Variants in SLC25A12 observed in about 807,000 individuals in gnomAD.
SLC25A12 encodes solute carrier family 25 member 12.
In SLC25A12, 32 loss-of-function variants were observed where a neutral mutation model predicts 83.3. The ratio of observed to expected loss-of-function variants is 0.38; its 90% CI spans 0.29 to 0.52. SLC25A12 has a LOEUF of 0.52. Ranked by LOEUF, SLC25A12 falls within the 20% of genes least tolerant of loss-of-function variation. The pLI, the probability that SLC25A12 is intolerant of heterozygous loss-of-function variation, is 0.84. For missense variants in SLC25A12, 611 were observed against 835.6 expected, an observed-to-expected ratio of 0.73 and a Z score of 3.31; for synonymous variants, 267 against 291.1, an observed-to-expected ratio of 0.92 and a Z score of 0.84.
At position 171,891,823 on chromosome 2, in the gene SLC25A12, A is replaced by G. The variant is rs139363482; in HGVS notation, c.66+1382T>C. 6.3e-3 allele frequency among the ~76,000 whole-genome samples: 964 copies of G among 152,334 alleles called. 10 individuals are homozygous for G. Among genetic ancestry groups the G allele is most frequent in the African/African-American group, 0.022 (912 of 41,570 alleles). Reference sequence around the variant, plus strand: ...ATGGACCATTTCTGTTATTATAATTACTTCTGTTCTGGAAAAAAATACTTC... The same window carrying G: ...ATGGACCATTTCTGTTATTATAATTGCTTCTGTTCTGGAAAAAAATACTTC... On this transcript the variant is annotated intron_variant, in intron 2 of 17. Coordinates refer to ENST00000422440, the MANE Select transcript of SLC25A12 (RefSeq NM_003705.5).
intron 2 of SLC25A12, among the ~76,000 whole-genome samples, chr2:171,886,230 C>CTTTT (rs11428637): frequency 6.5e-5 from 8 of 122,556 alleles, no homozygotes; most frequent in African/African-American, 9.3e-5. Flanking sequence ...AATATAATAG[C>CTTTT]TTTTTTTTTT....
intron 13 of SLC25A12, among the ~76,000 whole-genome samples, chr2:171,794,872 A>G (rs1462898746): frequency 6.6e-6 from 1 of 152,164 alleles, no homozygotes; most frequent in East Asian, 1.9e-4. Context: ...TTCCACAGGT[A>G]TAGAACACCT....
intron 4 of SLC25A12, among the ~76,000 whole-genome samples, chr2:171,851,271 GCAACCTC>G (rs1232611407): frequency 3.3e-5 from 5 of 151,228 alleles, no homozygotes; most frequent in Non-Finnish European, 5.9e-5. Context: ...TCAGCTCACT[GCAACCTC>G]CACCTTCTGG....
At chr2:171,813,209 A>G (rs1018754006) in intron 11 of SLC25A12, 130 bp downstream of exon 11, 13 of 899,252 alleles carry the variant, frequency 1.4e-5, no homozygotes, top group Non-Finnish European at 2.4e-5. Flanking sequence ...AGCAAAGAGA[A>G]AATAAAAAGA....
intron 9 of SLC25A12, 39 bp from the exon 10 acceptor site, chr2:171,815,241 C>A (rs768519140): frequency 1.5e-6 from 2 of 1,377,788 alleles, no homozygotes; most frequent in Admixed American, 1.7e-5. Context: ...ATCTTGAAAG[C>A]GCACACAGCA....
intron 4 of SLC25A12, chr2:171,848,138 C>T (rs1447934277): frequency 6.4e-6 from 3 of 470,208 alleles, no homozygotes; most frequent in Non-Finnish European, 1.3e-5. Context: ...GCACTTCCTA[C>T]TGGTCTTGTT....
intron 2 of SLC25A12, among the ~76,000 whole-genome samples, chr2:171,887,340 A>T (rs563510104): frequency 1.3e-5 from 2 of 152,364 alleles, no homozygotes; most frequent in East Asian, 1.9e-4. Flanking sequence ...TAATGAAAAA[A>T]GAACAAAATT....
At chr2:171,864,800 C>T (rs1685249228) in intron 3 of SLC25A12, among the ~76,000 whole-genome samples, 1 of 152,324 alleles carries the variant, frequency 6.6e-6, no homozygotes, top group South Asian at 2.1e-4. Flanking sequence ...CTATTCCTCT[C>T]ATATAGCTAT....
At chr2:171,819,162 A>G (rs1461797053) in intron 9 of SLC25A12, among the ~76,000 whole-genome samples, 2 of 139,170 alleles carry the variant, frequency 1.4e-5, no homozygotes, top group Non-Finnish European at 3.0e-5. Context: ...TATATGATAT[A>G]TAATACGTAT....
chr2:171,806,018 G>A (rs1201671423), intron 13 of SLC25A12, among the ~76,000 whole-genome samples: 1 of 152,058 alleles, frequency 6.6e-6, no homozygotes, highest in African/African-American at 2.4e-5. Flanking sequence ...CTGAGAGATG[G>A]GAGGAGCCCT....
intron 13 of SLC25A12, among the ~76,000 whole-genome samples, chr2:171,806,014 G>T (rs1683818142): frequency 1.3e-5 from 2 of 152,110 alleles, no homozygotes; most frequent in African/African-American, 4.8e-5. Context: ...GAGGCTGAGA[G>T]ATGGGAGGAG....
intron 2 of SLC25A12, among the ~76,000 whole-genome samples, chr2:171,875,642 G>C (rs556457441): frequency 6.7e-6 from 1 of 149,820 alleles, no homozygotes; most frequent in African/African-American, 2.5e-5. Flanking sequence ...GGCCGGGCGC[G>C]GTGGCTCACA....
intron 2 of SLC25A12, among the ~76,000 whole-genome samples, chr2:171,870,499 T>C (rs1300008176): frequency 2.6e-5 from 4 of 152,024 alleles, no homozygotes; most frequent in African/African-American, 9.7e-5. Context: ...CACGTGCCTA[T>C]AGTCCTAACT....
chr2:171,872,267 GAAAACAATAAGTTTC>G (rs1409182899), intron 2 of SLC25A12, among the ~76,000 whole-genome samples: 3 of 151,906 alleles, frequency 2.0e-5, no homozygotes, highest in Admixed American at 2.0e-4. Context: ...ACAGGATAAA[GAAAACAATAAGTTTC>G]AAAACAATAA....
intron 6 of SLC25A12, among the ~76,000 whole-genome samples, chr2:171,836,323 A>G (rs1684555300): frequency 1.3e-5 from 2 of 152,218 alleles, no homozygotes; most frequent in African/African-American, 4.8e-5. Flanking sequence ...CCCTCCATTC[A>G]AAACAAGCAG....
At chr2:171,809,713 C>T (rs758156231) in intron 12 of SLC25A12, 27 bp from the exon 13 acceptor site, 30 of 1,519,760 alleles carry the variant, frequency 2.0e-5, no homozygotes, top group East Asian at 4.5e-5. Flanking sequence ...CATCAGTTAA[C>T]CAAAATTCCC....
rs537811854 is a variant in SLC25A12 at position 171,886,482 on chromosome 2, G to A, written c.66+6723C>T. Among the ~76,000 whole-genome samples, 198 of 146,426 alleles carry A rather than the reference G, an allele frequency of 1.4e-3. 1 individual carries two copies. The highest frequency in any genetic ancestry group is 4.8e-3 in the African/African-American group (189 of 39,596). On this transcript the variant is annotated intron_variant, in intron 2 of 17. Coordinates refer to ENST00000422440, the MANE Select transcript of SLC25A12 (RefSeq NM_003705.5). Reference sequence around the variant, plus strand: ...TTTTTCTTTTTTGAGGAAAAATTCAGTGCTGCAGTTAACCTTGTACATATA... The same window carrying A: ...TTTTTCTTTTTTGAGGAAAAATTCAATGCTGCAGTTAACCTTGTACATATA...
chr2:171,805,038 G>A (rs968195772), intron 13 of SLC25A12, among the ~76,000 whole-genome samples: 1 of 152,152 alleles, frequency 6.6e-6, no homozygotes, highest in African/African-American at 2.4e-5. Flanking sequence ...CATTAAATGG[G>A]GGAGTTGTAT....
At chr2:171,822,208 T>C (rs1205590702) in intron 9 of SLC25A12, among the ~76,000 whole-genome samples, 1 of 152,236 alleles carries the variant, frequency 6.6e-6, no homozygotes, top group Non-Finnish European at 1.5e-5. Flanking sequence ...GTCACATATA[T>C]GTTTCAGCCC....
Sources: allele counts gnomAD v4.1 joint callset (sites outside exome capture counted in the v4.1 genomes callset), GRCh38; gene constraint gnomAD v4.1.1; transcripts MANE v1.5; gene names NCBI Gene and HGNC (gene_info 2026-07-23, HGNC 2026-07-21).